Variants in CCSER1 observed in about 807,000 individuals in gnomAD.
The protein encoded by CCSER1 is coiled-coil serine rich protein 1, also known as serine-rich coiled-coil domain-containing protein 1.
A neutral mutation model predicts 82.0 loss-of-function variants in CCSER1; 41 were observed. The ratio of observed to expected loss-of-function variants is 0.50; its 90% CI spans 0.39 to 0.65. The LOEUF is 0.65. CCSER1 is among the 30% of genes least tolerant of loss of function. CCSER1 has a pLI of 0.00. For missense variants in CCSER1, 1,119 were observed against 1,064.2 expected, an observed-to-expected ratio of 1.05 and a Z score of -0.72; for synonymous variants, 414 against 383.9, an observed-to-expected ratio of 1.08 and a Z score of -0.92.
intron 5 of CCSER1, among the ~76,000 whole-genome samples, chr4:90,556,037 C>G (rs1778087496): frequency 6.6e-6 from 1 of 151,900 alleles, no homozygotes; most frequent in African/African-American, 2.4e-5. Context: ...GTATAAACAA[C>G]AAAAATCTCC....
intron 10 of CCSER1, among the ~76,000 whole-genome samples, chr4:91,454,544 T>C (rs1208326174): frequency 1.3e-5 from 2 of 152,146 alleles, no homozygotes; most frequent in Admixed American, 1.3e-4. Context: ...TTGGCAAACT[T>C]CCTTTTGCCA....
intron 3 of CCSER1, among the ~76,000 whole-genome samples, chr4:90,388,011 A>G (rs1221956124): frequency 6.6e-6 from 1 of 152,108 alleles, no homozygotes; most frequent in African/African-American, 2.4e-5. Flanking sequence ...TCAGACTTTG[A>G]GTTTGGCTAT....
Position 90,400,050 on chromosome 4 carries a change from T to G in CCSER1, c.1524T>G (p.Asn508Lys), listed in dbSNP as rs968416493. 1 of 1,601,670 alleles carries G rather than the reference T, an allele frequency of 6.2e-7. No individual in the cohort carries two copies. Among genetic ancestry groups the G allele is most frequent in the African/African-American group, 1.3e-5 (1 of 74,822 alleles). The part of the protein sequence containing the change: ...SKMNSLDVLN[N>K]LGSCELDEDD... ...TTTTTCTTCAGGATGTTTTGAATAA[T>G]TTGGGATCTTGTGAACTGGATGAAG... The change falls in exon 4 of 11, where the codon AAT becomes AAG. Residue 508 changes from asparagine (N) to lysine (K), a missense_variant. Asn to Lys is a moderately conservative substitution (Grantham distance 94). Transcript: ENST00000509176.
chr4:91,410,536 C>A (rs1193583474), intron 10 of CCSER1, among the ~76,000 whole-genome samples: 1 of 152,062 alleles, frequency 6.6e-6, no homozygotes, highest in Non-Finnish European at 1.5e-5. Flanking sequence ...AGCTGAAGAA[C>A]CTATTTTTAC....
At position 91,344,266 on chromosome 4, in the gene CCSER1, C is replaced by T. The variant is rs548327594; in HGVS notation, c.2218-254306C>T. On this transcript the variant is annotated intron_variant, in intron 10 of 10. Coordinates refer to ENST00000509176, the MANE Select transcript of CCSER1 (RefSeq NM_001145065.2). ...ATAAGGCCCCCACTTGACACCAGTTCTTGCCAGTGCCTTGATTTAAGTTTC... is the reference window on the plus strand; with the variant it reads ...ATAAGGCCCCCACTTGACACCAGTTTTTGCCAGTGCCTTGATTTAAGTTTC... Among the ~76,000 whole-genome samples the T allele has an allele frequency of 2.0e-5, 3 of 152,276 alleles. No homozygotes were observed. In the East Asian group the frequency reaches 5.8e-4, roughly 29 times the overall value.
chr4:91,503,302 A>G (rs924758310), intron 10 of CCSER1, among the ~76,000 whole-genome samples: 1 of 151,546 alleles, frequency 6.6e-6, no homozygotes, highest in Non-Finnish European at 1.5e-5. Flanking sequence ...AGATGGTGCC[A>G]CTGCAGTCCA....
intron 1 of CCSER1, among the ~76,000 whole-genome samples, chr4:90,276,255 C>G (rs12510601): frequency 1.9e-5 from 1 of 52,802 alleles, no homozygotes; most frequent in African/African-American, 7.2e-5. Context: ...TCTTTCTTTC[C>G]TTCCTTCCTT....
chr4:90,283,926 A>G (rs1360627025), intron 1 of CCSER1, among the ~76,000 whole-genome samples: 3 of 152,076 alleles, frequency 2.0e-5, no homozygotes, highest in African/African-American at 7.2e-5. Context: ...CAGTAGCTAT[A>G]TTAATTTACA....
chr4:90,806,092 T>C (rs1368784801), intron 7 of CCSER1, among the ~76,000 whole-genome samples: 4 of 152,216 alleles, frequency 2.6e-5, no homozygotes, highest in Non-Finnish European at 5.9e-5. Flanking sequence ...GGCAAAAGCC[T>C]AAATTACTTT....
At chr4:90,186,920 C>T (rs999047303) in intron 1 of CCSER1, among the ~76,000 whole-genome samples, 1 of 151,874 alleles carries the variant, frequency 6.6e-6, no homozygotes, top group African/African-American at 2.4e-5. Flanking sequence ...AGCATCTACC[C>T]TTTCTTGGTA....
At chr4:91,478,210 CT>C (rs1308888075) in intron 10 of CCSER1, among the ~76,000 whole-genome samples, 1 of 151,806 alleles carries the variant, frequency 6.6e-6, no homozygotes, top group Non-Finnish European at 1.5e-5. Flanking sequence ...TCAATTATTT[CT>C]ATAAAATATA....
At chr4:91,080,494 C>G (rs1722588097) in intron 9 of CCSER1, among the ~76,000 whole-genome samples, 1 of 152,054 alleles carries the variant, frequency 6.6e-6, no homozygotes, top group East Asian at 1.9e-4. Context: ...ACCCTAACAT[C>G]ACAATTAAAA....
intron 10 of CCSER1, among the ~76,000 whole-genome samples, chr4:91,226,355 G>T (rs754020677): frequency 1.2e-4 from 18 of 151,822 alleles, no homozygotes; most frequent in Non-Finnish European, 1.9e-4. Context: ...ATACTTATTT[G>T]TGCAACACAG....
chr4:90,650,643 T>C (rs995524297), intron 6 of CCSER1, among the ~76,000 whole-genome samples: 2 of 152,190 alleles, frequency 1.3e-5, no homozygotes, highest in Admixed American at 1.3e-4. Context: ...TGCTTATAAA[T>C]AGTGCTTCTT....
In CCSER1 at chr4:91,074,754, G is replaced by A. The variant is rs547731563; in HGVS notation, c.2173-11196G>A. On this transcript the variant is annotated intron_variant, in intron 9 of 10. Transcript: ENST00000509176. Reference sequence around the variant, plus strand: ...TTCTAGCTCTTTCCTGTGCCTTCACGGCTAAAGCTAAATGTTAAAAAGTCA... The same window carrying A: ...TTCTAGCTCTTTCCTGTGCCTTCACAGCTAAAGCTAAATGTTAAAAAGTCA... 1.0e-3 allele frequency among the ~76,000 whole-genome samples: 155 copies of A among 152,216 alleles called. 2 individuals are homozygous for A. The highest frequency in any genetic ancestry group is 3.4e-3 in the African/African-American group (142 of 41,548).
intron 8 of CCSER1, among the ~76,000 whole-genome samples, chr4:90,890,368 C>T (rs1722780802): frequency 6.6e-6 from 1 of 152,164 alleles, no homozygotes; most frequent in Non-Finnish European, 1.5e-5. Flanking sequence ...GCTACTGGTG[C>T]TGTGTTCATA....
intron 1 of CCSER1, among the ~76,000 whole-genome samples, chr4:90,256,270 T>C (rs989700250): frequency 6.6e-6 from 1 of 152,144 alleles, no homozygotes; most frequent in Non-Finnish European, 1.5e-5. Context: ...TACAAAAATA[T>C]GTAATATAAA....
At chr4:90,654,391 C>T (rs908189) in intron 6 of CCSER1, among the ~76,000 whole-genome samples, 104,814 of 151,906 alleles carry the variant, frequency 0.69, 36,476 homozygotes, top group African/African-American at 0.77. Flanking sequence ...TATTTTCTTC[C>T]TTTTATACTT....
At chr4:91,538,013 G>T (rs1207852431) in intron 10 of CCSER1, among the ~76,000 whole-genome samples, 1 of 151,992 alleles carries the variant, frequency 6.6e-6, no homozygotes, top group African/African-American at 2.4e-5. Context: ...TATTCAGATA[G>T]ACACTAATTA....
Sources: allele counts gnomAD v4.1 joint callset (sites outside exome capture counted in the v4.1 genomes callset), GRCh38; gene constraint gnomAD v4.1.1; transcripts MANE v1.5; gene names NCBI Gene and HGNC (gene_info 2026-07-23, HGNC 2026-07-21).